The following UNC13C variants were observed in gnomAD, a reference collection of about 807,000 sequenced individuals.
UNC13C encodes the protein protein unc-13 homolog C.
Under a neutral mutation model 245.4 loss-of-function variants are expected in UNC13C, and 174 were observed. The ratio of observed to expected loss-of-function variants is 0.71; its 90% CI spans 0.63 to 0.80. The LOEUF (loss-of-function observed/expected upper bound fraction) is 0.80, where lower values mean the gene tolerates loss of function less well. Ranked by LOEUF, UNC13C falls within the 30% of genes least tolerant of loss-of-function variation. UNC13C has a pLI of 0.00. For missense variants in UNC13C, 2,829 were observed against 2,602.9 expected (o/e 1.09, Z -1.89); for synonymous variants, 992 against 895.1 (o/e 1.11, Z -1.93).
chr15:54,085,842 T>G (rs139749744), intron 2 of UNC13C, among the ~76,000 whole-genome samples: 2 of 152,266 alleles, frequency 1.3e-5, no homozygotes, highest in Non-Finnish European at 2.9e-5. Context: ...TTTTGTGCAA[T>G]GCACTTTTCT....
chr15:54,595,051 G>C (rs1024687159), intron 30 of UNC13C, among the ~76,000 whole-genome samples: 6 of 152,200 alleles, frequency 3.9e-5, no homozygotes, highest in East Asian at 1.9e-4. Flanking sequence ...TGAGTCATTC[G>C]ATAAGATGTA....
At chr15:54,339,394 TG>T (rs1358664875) in intron 17 of UNC13C, among the ~76,000 whole-genome samples, 6 of 152,114 alleles carry the variant, frequency 3.9e-5, no homozygotes, top group Non-Finnish European at 8.8e-5. Flanking sequence ...GAACCCAATT[TG>T]TAGTCTTTTT....
chr15:54,089,289 T>C (rs762314397), intron 2 of UNC13C, among the ~76,000 whole-genome samples: 7 of 152,216 alleles, frequency 4.6e-5, no homozygotes, highest in Non-Finnish European at 8.8e-5. Flanking sequence ...AAGCTCTCTG[T>C]AGTCAGCAAT....
At chr15:54,451,255 T>G (rs1424220610) in intron 19 of UNC13C, among the ~76,000 whole-genome samples, 3 of 152,190 alleles carry the variant, frequency 2.0e-5, no homozygotes, top group Non-Finnish European at 4.4e-5. Flanking sequence ...TTGCTTTTAT[T>G]TATGAAGGGT....
the UNC13C span, chr15:53,948,446 C>T: frequency 1.3e-5 from 2 of 152,110 alleles, no homozygotes; most frequent in East Asian, 2.0e-4. Flanking sequence ...GAAATCCCGT[C>T]TCTACTCAAA....
chr15:54,103,846 A>G (rs1405066381), intron 2 of UNC13C, among the ~76,000 whole-genome samples: 2 of 152,070 alleles, frequency 1.3e-5, no homozygotes, highest in Non-Finnish European at 2.9e-5. Flanking sequence ...CCGGGGTCAA[A>G]TGATTCTCCT....
chr15:54,049,226 T>C (rs974793107), intron 2 of UNC13C: 25 of 507,156 alleles, frequency 4.9e-5, no homozygotes, highest in Non-Finnish European at 7.3e-5. Flanking sequence ...CTCATTGCTA[T>C]GGTATCATTA....
chr15:54,536,652 T>G (rs1347992270), intron 26 of UNC13C, among the ~76,000 whole-genome samples: 1 of 151,992 alleles, frequency 6.6e-6, no homozygotes, highest in Non-Finnish European at 1.5e-5. Context: ...TAGGATTTAT[T>G]CCTAGGATGC....
At chr15:54,377,300 T>C (rs59474491) in intron 17 of UNC13C, among the ~76,000 whole-genome samples, 58 of 152,258 alleles carry the variant, frequency 3.8e-4, no homozygotes, top group African/African-American at 1.3e-3. Context: ...ATTCTATTGG[T>C]CAAAGTCACC....
chr15:54,093,573 A>G (rs950810677), intron 2 of UNC13C, among the ~76,000 whole-genome samples: 4 of 152,262 alleles, frequency 2.6e-5, no homozygotes, highest in African/African-American at 7.2e-5. Context: ...TAAAATGTTC[A>G]TATCAGTGGA....
intron 2 of UNC13C, among the ~76,000 whole-genome samples, chr15:54,025,262 T>C (rs1249611078): frequency 6.6e-6 from 1 of 152,230 alleles, no homozygotes; most frequent in African/African-American, 2.4e-5. Flanking sequence ...TTTTGGAGTA[T>C]GAAATTTGTT....
chr15:54,394,594 G>A (rs770318053), intron 18 of UNC13C, among the ~76,000 whole-genome samples: 8 of 151,750 alleles, frequency 5.3e-5, no homozygotes, highest in Non-Finnish European at 8.8e-5. Flanking sequence ...TTGGGAGACC[G>A]ACAACTTGTT....
the UNC13C span, among the ~76,000 whole-genome samples, chr15:53,880,886 T>C: frequency 6.6e-6 from 1 of 152,138 alleles, no homozygotes; most frequent in Non-Finnish European, 1.5e-5. Flanking sequence ...TTTTTAATGT[T>C]CATGAATAAG....
chr15:54,269,917 T>C (rs549503824), intron 10 of UNC13C, among the ~76,000 whole-genome samples: 5 of 152,330 alleles, frequency 3.3e-5, no homozygotes, highest in South Asian at 2.1e-4. Flanking sequence ...GAACTATATA[T>C]AAGTACATAA....
At chr15:54,032,550 G>A (rs185508292) in intron 2 of UNC13C, among the ~76,000 whole-genome samples, 1 of 152,250 alleles carries the variant, frequency 6.6e-6, no homozygotes, top group Non-Finnish European at 1.5e-5. Flanking sequence ...AGATGCAACA[G>A]TAGACAACAA....
intron 23 of UNC13C, among the ~76,000 whole-genome samples, chr15:54,509,571 C>T (rs1411286462): frequency 6.6e-6 from 1 of 151,972 alleles, no homozygotes; most frequent in Non-Finnish European, 1.5e-5. Flanking sequence ...GGGAAAAAAT[C>T]AAGATATAAA....
the UNC13C span, among the ~76,000 whole-genome samples, chr15:53,866,086 G>A: frequency 6.6e-6 from 1 of 152,120 alleles, no homozygotes; most frequent in African/African-American, 2.4e-5. Context: ...TAAGTAAAAA[G>A]TATGTGGTAA....
At chr15:54,460,940 T>A (rs7181991) in intron 19 of UNC13C, among the ~76,000 whole-genome samples, 4 of 152,132 alleles carry the variant, frequency 2.6e-5, no homozygotes, top group African/African-American at 7.2e-5. Flanking sequence ...CCTTATTGTT[T>A]GTTTATATTT....
At chr15:54,564,950 G>A (rs1269644475) in intron 29 of UNC13C, among the ~76,000 whole-genome samples, 1 of 151,928 alleles carries the variant, frequency 6.6e-6, no homozygotes, top group Non-Finnish European at 1.5e-5. Flanking sequence ...AAACACTTTA[G>A]TTCTCCTTAG....
Sources: gnomAD v4.1 joint callset for allele counts (sites outside exome capture counted in the v4.1 genomes callset) on GRCh38, gnomAD v4.1.1 for gene constraint, MANE v1.5 for transcripts, NCBI Gene and HGNC (gene_info 2026-07-23, HGNC 2026-07-21) for gene names.